Variants in SOX5 observed in about 807,000 individuals in gnomAD.
The protein encoded by SOX5 is transcription factor SOX-5.
A neutral mutation model predicts 92.0 loss-of-function variants in SOX5; 9 were observed. The observed-to-expected ratio is 0.10, with a 90% CI of 0.06 to 0.17. SOX5 has a LOEUF of 0.17. SOX5 is among the 10% of genes least tolerant of loss of function. The pLI, the probability that SOX5 is intolerant of heterozygous loss-of-function variation, is 1.00. For synonymous variants in SOX5, 344 were observed against 336.3 expected (o/e 1.02, Z -0.25); for missense variants, 642 against 944.5 (o/e 0.68, Z 4.20).
At chr12:23,715,679 C>A (rs1003468124) in intron 6 of SOX5, among the ~76,000 whole-genome samples, 4 of 151,976 alleles carry the variant, frequency 2.6e-5, no homozygotes, top group African/African-American at 9.7e-5. Context: ...CCAGTTGTGG[C>A]GAAGCAATCA....
At chr12:24,068,089 G>A (rs915724025) in intron 4 of SOX5, among the ~76,000 whole-genome samples, 1 of 152,196 alleles carries the variant, frequency 6.6e-6, no homozygotes, top group Non-Finnish European at 1.5e-5. Context: ...AGGTTGCAGT[G>A]AGCCAAGATT....
chr12:24,458,960 T>C (rs570984174), intron 1 of SOX5, among the ~76,000 whole-genome samples: 81 of 152,270 alleles, frequency 5.3e-4, no homozygotes, highest in African/African-American at 1.9e-3. Context: ...GCAATCACTT[T>C]AGACTTTGAA....
chr12:23,820,376 A>G (rs12372178), intron 3 of SOX5, among the ~76,000 whole-genome samples: 26,397 of 152,042 alleles, frequency 0.17, 2,827 homozygotes, highest in East Asian at 0.52. Flanking sequence ...TGTAGGTTGC[A>G]TGTTCACTCT....
At chr12:23,966,888 A>G (rs1258148183) in intron 4 of SOX5, among the ~76,000 whole-genome samples, 3 of 152,216 alleles carry the variant, frequency 2.0e-5, no homozygotes, top group Non-Finnish European at 4.4e-5. Context: ...TATAAAACAA[A>G]TCACACAAAT....
intron 4 of SOX5, among the ~76,000 whole-genome samples, chr12:23,967,053 A>T (rs980953719): frequency 3.3e-5 from 5 of 152,186 alleles, no homozygotes; most frequent in Non-Finnish European, 1.5e-5. Flanking sequence ...TTTATGTTGC[A>T]TACAATGCAT....
At chr12:23,751,975 T>C (rs2094195203) in intron 4 of SOX5, among the ~76,000 whole-genome samples, 1 of 149,416 alleles carries the variant, frequency 6.7e-6, no homozygotes, top group Non-Finnish European at 1.5e-5. Flanking sequence ...GAAACTGGTC[T>C]AGAATTTTTG....
chr12:23,943,949 C>T (rs998830384), intron 1 of SOX5, among the ~76,000 whole-genome samples: 2 of 152,086 alleles, frequency 1.3e-5, no homozygotes, highest in Non-Finnish European at 2.9e-5. Flanking sequence ...ACAAGTTTAT[C>T]AACAAACCTG....
chr12:23,546,816 A>G (rs1943228175), intron 11 of SOX5, among the ~76,000 whole-genome samples: 1 of 152,198 alleles, frequency 6.6e-6, no homozygotes, highest in Non-Finnish European at 1.5e-5. Flanking sequence ...GCCCAGAGAA[A>G]GTCTTCCAAT....
chr12:24,330,378 T>C (rs1232879518), intron 2 of SOX5, among the ~76,000 whole-genome samples: 3 of 152,200 alleles, frequency 2.0e-5, no homozygotes, highest in Non-Finnish European at 4.4e-5. Context: ...AGCTCGTTTG[T>C]ACAAAGGTGT....
intron 3 of SOX5, among the ~76,000 whole-genome samples, chr12:23,842,427 C>G (rs923835255): frequency 2.6e-5 from 4 of 152,018 alleles, no homozygotes; most frequent in Non-Finnish European, 5.9e-5. Context: ...TAGATATATA[C>G]ATATATAGGT....
chr12:23,570,920 AAAAAAAAAAAATATAT>A (rs1948108403), intron 10 of SOX5, among the ~76,000 whole-genome samples: 6 of 41,690 alleles, frequency 1.4e-4, no homozygotes, highest in African/African-American at 5.1e-4. Context: ...CAAAAAAAAA[AAAAAAAAAAAATATAT>A]ATATATATAT....
At chr12:23,723,861 A>C (rs2092967212) in intron 6 of SOX5, among the ~76,000 whole-genome samples, 1 of 152,038 alleles carries the variant, frequency 6.6e-6, no homozygotes, top group African/African-American at 2.4e-5. Context: ...TTTCTAATCT[A>C]CTATGTAGAT....
At chr12:24,400,144 C>G (rs892262993) in intron 1 of SOX5, among the ~76,000 whole-genome samples, 5 of 152,110 alleles carry the variant, frequency 3.3e-5, no homozygotes, top group African/African-American at 1.2e-4. Context: ...ACTTCTCAAG[C>G]CATTCATTAA....
At chr12:23,588,721 GCACACACA>G (rs56083228) in intron 9 of SOX5, among the ~76,000 whole-genome samples, 5,189 of 148,788 alleles carry the variant, frequency 0.035, 114 homozygotes, top group South Asian at 0.079. Context: ...ATGGGATAGT[GCACACACA>G]CACACACACA....
intron 4 of SOX5, among the ~76,000 whole-genome samples, chr12:23,968,612 A>G (rs555067234): frequency 2.7e-4 from 41 of 152,330 alleles, no homozygotes; most frequent in African/African-American, 9.4e-4. Context: ...CTGGCCCCTC[A>G]ATCTTGGCCT....
At chr12:23,582,391 G>T (rs1489211715) in intron 9 of SOX5, 1 of 470,672 alleles carries the variant, frequency 2.1e-6, no homozygotes, top group Non-Finnish European at 2.8e-6. Context: ...TTACGTGCAA[G>T]AGTCAAAGTA....
chr12:24,216,050 T>G (rs752512790), intron 3 of SOX5, among the ~76,000 whole-genome samples: 6 of 152,200 alleles, frequency 3.9e-5, no homozygotes, highest in Non-Finnish European at 8.8e-5. Context: ...AAAAATCTGG[T>G]CTTTGTCCCT....
chr12:24,254,511 T>C (rs1012131435), intron 3 of SOX5, among the ~76,000 whole-genome samples: 4 of 152,020 alleles, frequency 2.6e-5, no homozygotes, highest in Admixed American at 2.0e-4. Flanking sequence ...AAAAATCATC[T>C]AATACAAAGT....
chr12:24,481,196 C>G (rs900318214), intron 1 of SOX5, among the ~76,000 whole-genome samples: 16 of 151,894 alleles, frequency 1.1e-4, no homozygotes, highest in Admixed American at 9.2e-4. Context: ...TGTGTGCAAT[C>G]TGAAAATCAA....
Sources: gnomAD v4.1 joint callset for allele counts (sites outside exome capture counted in the v4.1 genomes callset) on GRCh38, gnomAD v4.1.1 for gene constraint, MANE v1.5 for transcripts, NCBI Gene and HGNC (gene_info 2026-07-23, HGNC 2026-07-21) for gene names.